RIMS2: variants seen among roughly 807,000 people sequenced by gnomAD.
The protein encoded by RIMS2 is regulating synaptic membrane exocytosis protein 2.
Under a neutral mutation model 174.4 loss-of-function variants are expected in RIMS2, and 59 were observed. The ratio of observed to expected loss-of-function variants is 0.34; its 90% confidence interval spans 0.27 to 0.42. The LOEUF is 0.42. RIMS2 is among the 10% of genes least tolerant of loss of function. RIMS2 has a pLI of 1.00. For missense variants in RIMS2, 1,620 were observed against 1,666.3 expected, an observed-to-expected ratio of 0.97 and a Z score of 0.48; for synonymous variants, 606 against 572.5, an observed-to-expected ratio of 1.06 and a Z score of -0.84.
chr8:103,865,789 A>AT (rs1243737261), intron 3 of RIMS2, among the ~76,000 whole-genome samples: 2 of 151,976 alleles, frequency 1.3e-5, no homozygotes, highest in South Asian at 2.1e-4. Context: ...CAGAAGCACT[A>AT]TTTTTTTTCT....
chr8:103,726,074 G>C (rs1254805821), intron 2 of RIMS2, among the ~76,000 whole-genome samples: 1 of 152,106 alleles, frequency 6.6e-6, no homozygotes, highest in Admixed American at 6.5e-5. Context: ...ATCATATATA[G>C]ATGGTTCCTG....
chr8:103,982,056 G>T (rs781185663), intron 16 of RIMS2, among the ~76,000 whole-genome samples: 3 of 151,742 alleles, frequency 2.0e-5, no homozygotes, highest in Non-Finnish European at 2.9e-5. Flanking sequence ...ACAAAATCAG[G>T]GATGAATAAG....
At chr8:104,179,413 T>G (rs950748551) in intron 19 of RIMS2, among the ~76,000 whole-genome samples, 6 of 152,040 alleles carry the variant, frequency 3.9e-5, no homozygotes, top group African/African-American at 1.4e-4. Flanking sequence ...AAACATTTCC[T>G]GGATTTGTAC....
At chr8:103,744,784 C>A (rs2139469291) in intron 2 of RIMS2, among the ~76,000 whole-genome samples, 1 of 152,334 alleles carries the variant, frequency 6.6e-6, no homozygotes, top group East Asian at 1.9e-4. Context: ...CTGAGAAGGT[C>A]TCATCATGGC....
At chr8:103,984,149 G>A (rs1268937152) in intron 16 of RIMS2, among the ~76,000 whole-genome samples, 3 of 152,028 alleles carry the variant, frequency 2.0e-5, no homozygotes, top group Non-Finnish European at 1.5e-5. Context: ...ACTCCAGCCT[G>A]GGCGACAGAG....
chr8:103,853,373 A>G (rs939592247), intron 3 of RIMS2, among the ~76,000 whole-genome samples: 1 of 152,128 alleles, frequency 6.6e-6, no homozygotes, highest in African/African-American at 2.4e-5. Flanking sequence ...TGCTATGCAG[A>G]AACTCTTTAG....
chr8:103,939,828 G>C (rs1478659261), intron 13 of RIMS2, among the ~76,000 whole-genome samples: 1 of 152,030 alleles, frequency 6.6e-6, no homozygotes. Context: ...AAATCTCTAG[G>C]GCAGGGGTAA....
intron 19 of RIMS2, among the ~76,000 whole-genome samples, chr8:104,236,062 C>A (rs1029765312): frequency 7.3e-6 from 1 of 137,342 alleles, no homozygotes; most frequent in Non-Finnish European, 1.6e-5. Context: ...GTCCAACATT[C>A]TGGATTTTTT....
At chr8:103,841,215 A>C (rs915585001) in intron 3 of RIMS2, among the ~76,000 whole-genome samples, 1 of 152,178 alleles carries the variant, frequency 6.6e-6, no homozygotes, top group African/African-American at 2.4e-5. Flanking sequence ...CACTACATAC[A>C]TTTTTATCAG....
chr8:104,058,377 G>A (rs1369786765), intron 19 of RIMS2, among the ~76,000 whole-genome samples: 1 of 149,364 alleles, frequency 6.7e-6, no homozygotes, highest in Admixed American at 6.7e-5. Flanking sequence ...CTTTTGAGAA[G>A]TGTCTGTTCA....
At chr8:104,219,718 T>A (rs2511566) in intron 19 of RIMS2, among the ~76,000 whole-genome samples, 1 of 151,864 alleles carries the variant, frequency 6.6e-6, no homozygotes, top group Non-Finnish European at 1.5e-5. Flanking sequence ...ATAAATTAAT[T>A]GGAAAGTTAT....
intron 19 of RIMS2, among the ~76,000 whole-genome samples, chr8:104,200,408 A>G (rs2099048801): frequency 6.6e-6 from 1 of 152,196 alleles, no homozygotes; most frequent in Admixed American, 6.5e-5. Flanking sequence ...AGGAAAATAA[A>G]TCTGGCAGAG....
At chr8:103,596,838 G>A (rs2094496004) in intron 1 of RIMS2, among the ~76,000 whole-genome samples, 1 of 152,006 alleles carries the variant, frequency 6.6e-6, no homozygotes. Flanking sequence ...CACAGCTTAA[G>A]CACTTTGCCA....
chr8:104,058,922 G>T (rs1283628659), intron 19 of RIMS2, among the ~76,000 whole-genome samples: 1 of 152,050 alleles, frequency 6.6e-6, no homozygotes, highest in African/African-American at 2.4e-5. Flanking sequence ...TGTTGCATTG[G>T]TCTATATCTC....
chr8:103,981,673 T>C (rs1447406807), intron 16 of RIMS2, among the ~76,000 whole-genome samples: 1 of 152,050 alleles, frequency 6.6e-6, no homozygotes, highest in Non-Finnish European at 1.5e-5. Context: ...TTTTGATAAA[T>C]TTAACAACGA....
chr8:104,176,937 A>G (rs985492058), intron 19 of RIMS2, among the ~76,000 whole-genome samples: 12 of 152,058 alleles, frequency 7.9e-5, no homozygotes, highest in Admixed American at 4.6e-4. Flanking sequence ...GTTATTTGAC[A>G]TATGTAAGAA....
chr8:104,209,354 T>A (rs1473021478), intron 19 of RIMS2, among the ~76,000 whole-genome samples: 1 of 152,236 alleles, frequency 6.6e-6, no homozygotes, highest in Non-Finnish European at 1.5e-5. Context: ...CCTGTTATAT[T>A]GCCTCACACA....
chr8:104,009,498 T>C (rs2095689662), intron 17 of RIMS2, among the ~76,000 whole-genome samples: 1 of 152,058 alleles, frequency 6.6e-6, no homozygotes, highest in African/African-American at 2.4e-5. Context: ...GGTTTCACCA[T>C]GTTGCCCAGT....
chr8:103,645,171 C>G (rs1020883458), intron 1 of RIMS2, among the ~76,000 whole-genome samples: 10 of 152,018 alleles, frequency 6.6e-5, no homozygotes, highest in African/African-American at 2.4e-4. Context: ...TTCAGTGTCA[C>G]TATAGTTTGC....
Sources: allele counts gnomAD v4.1 joint callset (sites outside exome capture counted in the v4.1 genomes callset), GRCh38; gene constraint gnomAD v4.1.1; transcripts MANE v1.5; gene names NCBI Gene and HGNC (gene_info 2026-07-23, HGNC 2026-07-21).